Variants in KLHDC2 observed in about 807,000 individuals in gnomAD.
KLHDC2 encodes the protein kelch domain-containing protein 2.
KLHDC2 carries 38 observed loss-of-function variants against 62.3 expected under a neutral mutation model. The ratio of observed to expected loss-of-function variants is 0.61; its 90% CI spans 0.47 to 0.80. The LOEUF is 0.80. Among genes scored for constraint, KLHDC2 ranks in the 30% least tolerant of loss-of-function variants. KLHDC2 has a pLI of 0.00. For synonymous variants in KLHDC2, 159 were observed against 161.0 expected (o/e 0.99, Z 0.09); for missense variants, 430 against 495.3 (o/e 0.87, Z 1.25).
intron 4 of KLHDC2, 42 bp from the exon 5 acceptor site, chr14:49,778,136 T>C: frequency 7.7e-7 from 1 of 1,295,230 alleles, no homozygotes; most frequent in Non-Finnish European, 1.1e-6. Flanking sequence ...TCCTATCCTA[T>C]GGGTATTTGA....
intron 6 of KLHDC2, 54 bp downstream of exon 6, chr14:49,778,548 G>A: frequency 1.4e-6 from 1 of 717,700 alleles, no homozygotes; most frequent in Non-Finnish European, 2.4e-6. Flanking sequence ...CAGTGGGGAG[G>A]GGTGGGGTAG....
chr14:49,769,553 A>G (rs1889617169), intron 1 of KLHDC2, among the ~76,000 whole-genome samples: 1 of 152,184 alleles, frequency 6.6e-6, no homozygotes, highest in South Asian at 2.1e-4. Context: ...CTGTCCTGAT[A>G]CTTTATTTTG....
chr14:49,785,159 T>TA lies in KLHDC2; in HGVS notation c.*2207dup, dbSNP rs539583478. 317 of 1,601,338 alleles carry TA rather than the reference T, an allele frequency of 2.0e-4. 2 individuals are homozygous for TA. The African/African-American group carries it at 3.9e-3, about 20-fold the overall frequency. On this transcript the variant is annotated 3_prime_UTR_variant, in exon 13 of 13. Transcript: ENST00000298307. ...ATCTTTAAAAAGGAATTACATGTGTTACTAAATAGACGTTACAAAACAATT... is the reference window on the plus strand; with the variant it reads ...ATCTTTAAAAAGGAATTACATGTGTTAACTAAATAGACGTTACAAAACAATT...
At chr14:49,769,105 C>A (rs551859836) in intron 1 of KLHDC2, 1 of 153,222 alleles carries the variant, frequency 6.5e-6, no homozygotes, top group African/African-American at 2.4e-5. Flanking sequence ...ACAGGAACCA[C>A]CTTATTCAGC....
In KLHDC2 at chr14:49,784,523, A is replaced by ATGTT; in HGVS notation, c.*1572_*1575dup. 1.4e-6 allele frequency: 1 copy of ATGTT among 712,676 alleles called. No individual in the cohort carries two copies. Among genetic ancestry groups the ATGTT allele is most frequent in the East Asian group, 2.7e-5 (1 of 37,704 alleles). The allele number at this position is 712,676 out of a possible 1,614,324, so 44.1% of individuals were successfully genotyped here. On this transcript the variant is annotated 3_prime_UTR_variant, in exon 13 of 13. Transcript: ENST00000298307. ...TCCTTTTGGTGAATATAGCAAGGCA[A>ATGTT]TGTTTAGTTCATTTTTATAATGCGG...
chr14:49,768,693 G>A (rs1206827002), intron 1 of KLHDC2, 72 bp downstream of exon 1: 3 of 1,424,322 alleles, frequency 2.1e-6, no homozygotes, highest in East Asian at 5.6e-5. Flanking sequence ...GCCAGGCGGG[G>A]AGGCCAGAGC....
At position 49,780,784 on chromosome 14, in the gene KLHDC2, A is replaced by T. The variant is rs1367633915; in HGVS notation, c.956+9A>T. 6.9e-7 allele frequency: 1 copy of T among 1,445,278 alleles called. No homozygotes were observed. The highest frequency in any genetic ancestry group is 1.1e-5 in the South Asian group (1 of 87,576). The allele number at this position is 1,445,278 out of a possible 1,614,324, so 89.5% of individuals were successfully genotyped here. On this transcript the variant is annotated intron_variant, in intron 10 of 12. Coordinates refer to ENST00000298307, the MANE Select transcript of KLHDC2 (RefSeq NM_014315.3). ...TATACCGAAAAACCAAGGTATTTAA[A>T]AGCAATTCATATACTGAATATGCAT...
Position 49,768,467 on chromosome 14 carries a change from A to G in KLHDC2, c.-2A>G, listed in dbSNP as rs760046635. 6.8e-6 allele frequency: 11 copies of G among 1,608,900 alleles called. No homozygotes were observed. The Admixed American group carries it at 1.5e-4, about 22-fold the overall frequency. Reference sequence around the variant, plus strand: ...GTTGGTTAGCAAAAGTGCAGCCTCAAGATGGCTGATGGCAACGAGGATCTG... The same window carrying G: ...GTTGGTTAGCAAAAGTGCAGCCTCAGGATGGCTGATGGCAACGAGGATCTG... On this transcript the variant is annotated 5_prime_UTR_variant, in exon 1 of 13. Coordinates refer to ENST00000298307, the MANE Select transcript of KLHDC2 (RefSeq NM_014315.3).
intron 3 of KLHDC2, among the ~76,000 whole-genome samples, chr14:49,777,483 A>C (rs138056933): frequency 6.6e-6 from 1 of 152,188 alleles, no homozygotes; most frequent in East Asian, 1.9e-4. Context: ...TAGTCCATCT[A>C]TGTGGGAAGC....
At chr14:49,770,025 A>C (rs2139787965) in intron 1 of KLHDC2, among the ~76,000 whole-genome samples, 1 of 152,322 alleles carries the variant, frequency 6.6e-6, no homozygotes, top group Non-Finnish European at 1.5e-5. Context: ...AATGTAAATT[A>C]ATTCCCCTGG....
chr14:49,785,402 A>C lies in KLHDC2; in HGVS notation c.*2449A>C. 6.2e-5 allele frequency: 56 copies of C among 898,286 alleles called. No homozygotes were observed. The highest frequency in any genetic ancestry group is 8.0e-5 in the Non-Finnish European group (43 of 538,512). 55.6% of individuals were successfully genotyped at this position (898,286 alleles called of 1,614,324 possible). On this transcript the variant is annotated 3_prime_UTR_variant, in exon 13 of 13. Coordinates refer to ENST00000298307, the MANE Select transcript of KLHDC2 (RefSeq NM_014315.3). ...GCTAAAACACTTGAATTAGTATCTC[A>C]ACATATTTTTTATCTTTTCCTGATA...
In KLHDC2 at chr14:49,784,758, A is replaced by C; in HGVS notation, c.*1805A>C. On this transcript the variant is annotated 3_prime_UTR_variant, in exon 13 of 13. Coordinates refer to ENST00000298307, the MANE Select transcript of KLHDC2 (RefSeq NM_014315.3). Reference sequence around the variant, plus strand: ...GAATATCTTCACATCCTGTATGGTCAATCATGTTTCTTTTATGACAAAAAC... The same window carrying C: ...GAATATCTTCACATCCTGTATGGTCCATCATGTTTCTTTTATGACAAAAAC... 1 of 1,524,456 alleles carries C rather than the reference A, an allele frequency of 6.6e-7. No individual in the cohort carries two copies. 94.4% of individuals were successfully genotyped at this position (1,524,456 alleles called of 1,614,324 possible). A position where few individuals can be genotyped will look rare whatever the true frequency, so the allele number is the denominator to read the frequency against.
intron 1 of KLHDC2, 106 bp downstream of exon 1, chr14:49,768,727 C>T (rs1889597166): frequency 2.3e-5 from 25 of 1,075,012 alleles, no homozygotes; most frequent in Non-Finnish European, 2.8e-5. Context: ...CGCTCCCCGC[C>T]TGCGTCGCGC....
rs1238696453 is a variant in KLHDC2 at position 49,771,600 on chromosome 14, C to G, written c.160C>G (p.Gln54Glu). The change falls in exon 2 of 13, where the codon CAA (glutamine) becomes GAA (glutamate). Residue 54 changes from glutamine (Q) to glutamate (E), a missense_variant. Transcript: ENST00000298307. ...CAATTTTTTTTATTCTTAGAGTAAT[C>G]AAGTCAGAGGATTATATGACTTTTA... The part of the protein sequence containing the change: ...MFVWGGYKSN[Q>E]VRGLYDFYLP... The G allele has an allele frequency of 2.1e-6, 3 of 1,407,854 alleles. No homozygotes were observed. The highest frequency in any genetic ancestry group is 1.0e-6 in the Non-Finnish European group (1 of 995,076). 87.2% of individuals were successfully genotyped at this position (1,407,854 alleles called of 1,614,324 possible). A position where few individuals can be genotyped will look rare whatever the true frequency, so the allele number is the denominator to read the frequency against.
intron 3 of KLHDC2, among the ~76,000 whole-genome samples, chr14:49,775,284 T>C (rs1441824061): frequency 6.6e-6 from 1 of 152,234 alleles, no homozygotes; most frequent in African/African-American, 2.4e-5. Context: ...AGGAGTCTAT[T>C]AAGTTGGCAA....
Position 49,779,608 on chromosome 14 carries a change from C to G in KLHDC2, c.647C>G (p.Ser216Ter). 1 of 1,613,976 alleles carries G rather than the reference C, an allele frequency of 6.2e-7. No individual in the cohort carries two copies. Among genetic ancestry groups the G allele is most frequent in the Non-Finnish European group, 8.5e-7 (1 of 1,179,862 alleles). The part of the protein sequence containing the change: ...SQPITTGKAP[S>*]PRAAHACATV... ...TGCCTCTAATAGGGTAAAGCACCTT[C>G]ACCTCGTGCTGCCCATGCCTGTGCA... is the stretch of plus-strand genomic sequence containing the variant. Residue 216 changes from serine (S) to a stop codon, truncating the protein, a stop_gained, in exon 7 of 13, where the codon TCA (serine) becomes TGA (stop). Transcript: ENST00000298307. LOFTEE classifies it high-confidence loss of function.
intron 2 of KLHDC2, among the ~76,000 whole-genome samples, chr14:49,772,632 C>A (rs1175627502): frequency 6.6e-6 from 1 of 152,120 alleles, no homozygotes; most frequent in African/African-American, 2.4e-5. Flanking sequence ...ATTTTACTTA[C>A]TGTAGATCTC....
In KLHDC2 at chr14:49,785,981, T is replaced by C. The variant is rs893565667; in HGVS notation, c.*3028T>C. The C allele has an allele frequency of 1.3e-5, 2 of 151,512 alleles. No individual in the cohort carries two copies. Among genetic ancestry groups the C allele is most frequent in the East Asian group, 1.9e-4 (1 of 5,164 alleles). The allele number at this position is 151,512 out of a possible 1,614,324, so 9.4% of individuals were successfully genotyped here. On this transcript the variant is annotated 3_prime_UTR_variant, in exon 13 of 13. Coordinates refer to ENST00000298307, the MANE Select transcript of KLHDC2 (RefSeq NM_014315.3). ...AAAATGATGCAATAATAACCACAAA[T>C]AGATTTAAGTCCTATCACATGGAAA... is the stretch of plus-strand genomic sequence containing the variant.
At chr14:49,768,738 GC>G in intron 1 of KLHDC2, 117 bp downstream of exon 1, 2 of 974,152 alleles carry the variant, frequency 2.1e-6, no homozygotes, top group Non-Finnish European at 2.9e-6. Context: ...TGCGTCGCGC[GC>G]CCCACCTCAG....
Sources: gnomAD v4.1 joint callset for allele counts (sites outside exome capture counted in the v4.1 genomes callset) on GRCh38, gnomAD v4.1.1 for gene constraint, MANE v1.5 for transcripts, NCBI Gene and HGNC (gene_info 2026-07-23, HGNC 2026-07-21) for gene names.